Variants in PLA2G7 observed in about 807,000 individuals in gnomAD.
PLA2G7 encodes platelet-activating factor acetylhydrolase.
PLA2G7 carries 63 observed loss-of-function variants against 49.6 expected under a neutral mutation model. That is an observed-to-expected ratio of 1.27 (90% CI 1.04 to 1.57). The LOEUF is 1.57. PLA2G7 is among the 40% of genes most tolerant of loss of function. The pLI is 0.00. For missense variants in PLA2G7, 596 were observed against 521.2 expected, an observed-to-expected ratio of 1.14 and a Z score of -1.40; for synonymous variants, 193 against 169.9, an observed-to-expected ratio of 1.14 and a Z score of -1.06.
intron 5 of PLA2G7, 130 bp from the exon 6 acceptor site, chr6:46,712,467 C>A (rs550058745): frequency 1.4e-6 from 1 of 694,762 alleles, no homozygotes; most frequent in Non-Finnish European, 2.7e-6. Flanking sequence ...TGGAGAGCTA[C>A]GGTTCTTAAA....
chr6:46,729,920 A>G (rs1234671819), intron 1 of PLA2G7, among the ~76,000 whole-genome samples: 2 of 152,230 alleles, frequency 1.3e-5, no homozygotes, highest in Admixed American at 6.5e-5. Context: ...CTCAGGAACA[A>G]TCTAACTGGA....
intron 2 of PLA2G7, among the ~76,000 whole-genome samples, chr6:46,722,486 G>C (rs1254629962): frequency 6.6e-6 from 1 of 152,132 alleles, no homozygotes; most frequent in Non-Finnish European, 1.5e-5. Flanking sequence ...AGAGAGAGAA[G>C]GGGTGGCATT....
chr6:46,716,918 C>T lies in PLA2G7; in HGVS notation c.231+57G>A. ...TCACATTTGAACACCTTCTAGTGGT[C>T]CATAGCGACAGACAATATTAGAGTA... is the stretch of plus-strand genomic sequence containing the variant. On this transcript the variant is annotated intron_variant, in intron 3 of 11. Coordinates refer to ENST00000274793, the MANE Select transcript of PLA2G7 (RefSeq NM_005084.4). 2.6e-6 allele frequency: 4 copies of T among 1,559,602 alleles called. No homozygotes were observed. In the South Asian group the frequency reaches 3.3e-5, roughly 13 times the overall value.
Position 46,714,537 on chromosome 6 carries a change from A to G in PLA2G7, c.393T>C (p.Pro131=), listed in dbSNP as rs201390481. 2 of 1,607,762 alleles carry G rather than the reference A, an allele frequency of 1.2e-6. No individual in the cohort carries two copies. Among genetic ancestry groups the G allele is most frequent in the East Asian group, 4.5e-5 (2 of 44,846 alleles). ...LRLLFGSMTT[P]ANWNSPLRPG... ...GCCTCAGAGGGGAATTCCAGTTTGC[A>G]GGAGTTGTCATTGAACCTAGACAAC... Residue 131 remains proline (P), a synonymous_variant, in exon 5 of 12, where the codon CCT becomes CCC. Transcript: ENST00000274793.
chr6:46,725,353 T>C (rs1249270463), intron 1 of PLA2G7, among the ~76,000 whole-genome samples: 2 of 151,912 alleles, frequency 1.3e-5, no homozygotes, highest in African/African-American at 4.8e-5. Context: ...TGCCTCAGCC[T>C]CTCGAGTAGC....
At chr6:46,728,404 C>T (rs1303164028) in intron 1 of PLA2G7, among the ~76,000 whole-genome samples, 1 of 152,170 alleles carries the variant, frequency 6.6e-6, no homozygotes, top group African/African-American at 2.4e-5. Context: ...AGAGGAATCT[C>T]AAAATGTCAA....
At chr6:46,719,145 A>G (rs974973246) in intron 2 of PLA2G7, among the ~76,000 whole-genome samples, 3 of 152,152 alleles carry the variant, frequency 2.0e-5, no homozygotes, top group Non-Finnish European at 4.4e-5. Flanking sequence ...TTGTCCACCC[A>G]TTCCTTCCAT....
intron 1 of PLA2G7, among the ~76,000 whole-genome samples, chr6:46,728,335 GAGTAGC>G (rs1265534471): frequency 1.3e-5 from 2 of 152,172 alleles, no homozygotes; most frequent in African/African-American, 4.8e-5. Flanking sequence ...GGCATCTAGT[GAGTAGC>G]AGTCAGGGAT....
At chr6:46,726,166 C>A (rs1000266270) in intron 1 of PLA2G7, among the ~76,000 whole-genome samples, 1 of 152,160 alleles carries the variant, frequency 6.6e-6, no homozygotes, top group Non-Finnish European at 1.5e-5. Flanking sequence ...TTATAACCTA[C>A]AATCAGATTA....
intron 8 of PLA2G7, 140 bp downstream of exon 8, chr6:46,710,405 G>C (rs543130340): frequency 1.5e-6 from 1 of 679,784 alleles, no homozygotes; most frequent in Non-Finnish European, 2.7e-6. Context: ...GTACTGCTTT[G>C]TGTGTCTGTG....
intron 11 of PLA2G7, 134 bp downstream of exon 11, chr6:46,705,019 T>C: frequency 1.4e-6 from 1 of 720,372 alleles, no homozygotes. Context: ...AATTTCTGTT[T>C]TCAAATTGAT....
intron 2 of PLA2G7, among the ~76,000 whole-genome samples, chr6:46,722,511 T>A (rs1765431892): frequency 6.6e-6 from 1 of 152,062 alleles, no homozygotes; most frequent in African/African-American, 2.4e-5. Flanking sequence ...AGGTTCTCCG[T>A]GGTGATTGCA....
chr6:46,711,902 G>A (rs1002937967), intron 6 of PLA2G7, among the ~76,000 whole-genome samples: 5 of 152,012 alleles, frequency 3.3e-5, no homozygotes, highest in African/African-American at 9.7e-5. Context: ...ATCAAATCCC[G>A]GCACTGCCAC....
intron 1 of PLA2G7, among the ~76,000 whole-genome samples, chr6:46,734,245 G>A (rs1042620035): frequency 2.0e-5 from 3 of 152,042 alleles, no homozygotes; most frequent in Admixed American, 1.3e-4. Flanking sequence ...GACAAAGAGT[G>A]CTTTGTTTTG....
At chr6:46,734,558 C>T (rs1765854387) in intron 1 of PLA2G7, among the ~76,000 whole-genome samples, 1 of 151,510 alleles carries the variant, frequency 6.6e-6, no homozygotes, top group African/African-American at 2.4e-5. Flanking sequence ...CGCGGTGGCT[C>T]ATGCCTGTAA....
intron 5 of PLA2G7, 105 bp downstream of exon 5, chr6:46,714,355 A>C (rs1239233952): frequency 1.2e-6 from 1 of 800,026 alleles, no homozygotes; most frequent in Non-Finnish European, 2.3e-6. Flanking sequence ...CAACTCCTCC[A>C]GACAAGGGCC....
At position 46,710,633 on chromosome 6, in the gene PLA2G7, G is replaced by C; in HGVS notation, c.689C>G (p.Ser230Cys). Reference protein sequence around the residue: ...EQVRQRAKECSQALSLILDID... With the variant: ...EQVRQRAKECCQALSLILDID... ...GTCAAGAATCAGACTGAGAGCTTGG[G>C]AACATTCTTTTGCTCTTTGCCGTAC... Residue 230 changes from serine to cysteine, a missense_variant, in exon 8 of 12, where the codon TCC becomes TGC. By Grantham distance (112) the Ser-to-Cys change is moderately radical. Coordinates refer to ENST00000274793, the MANE Select transcript of PLA2G7 (RefSeq NM_005084.4). The C allele has an allele frequency of 6.2e-7, 1 of 1,612,982 alleles. No homozygotes were observed. The highest frequency in any genetic ancestry group is 8.5e-7 in the Non-Finnish European group (1 of 1,178,996).
At chr6:46,714,370 T>A in intron 5 of PLA2G7, 90 bp downstream of exon 5, 1 of 840,888 alleles carries the variant, frequency 1.2e-6, no homozygotes, top group Admixed American at 1.7e-5. Flanking sequence ...AGGGCCTGCA[T>A]GACATTCCAA....
At chr6:46,709,595 T>C (rs1764944952) in intron 8 of PLA2G7, among the ~76,000 whole-genome samples, 177 bp from the exon 9 acceptor site, 1 of 152,196 alleles carries the variant, frequency 6.6e-6, no homozygotes, top group Non-Finnish European at 1.5e-5. Context: ...TATACATCTA[T>C]ATACACATAT....
Sources: gnomAD v4.1 joint callset for allele counts (sites outside exome capture counted in the v4.1 genomes callset) on GRCh38, gnomAD v4.1.1 for gene constraint, MANE v1.5 for transcripts, NCBI Gene and HGNC (gene_info 2026-07-23, HGNC 2026-07-21) for gene names.